The following ATP6V1H variants were observed in gnomAD, a reference collection of about 807,000 sequenced individuals.
ATP6V1H encodes the protein ATPase H+ transporting V1 subunit H, also known as V-type proton ATPase subunit H.
Under a neutral mutation model 71.7 loss-of-function variants are expected in ATP6V1H, and 39 were observed. The ratio of observed to expected loss-of-function variants is 0.54; its 90% confidence interval spans 0.42 to 0.71. ATP6V1H has a LOEUF of 0.71. ATP6V1H is among the 30% of genes least tolerant of loss of function. The probability of loss-of-function intolerance (pLI) is 0.00; values close to 1 mark genes in which losing one functional copy is unlikely to be tolerated. For synonymous variants in ATP6V1H, 192 were observed against 199.3 expected (o/e 0.96, Z 0.31); for missense variants, 509 against 594.9 (o/e 0.86, Z 1.50).
chr8:53,716,839 A>G (rs976419261), intron 13 of ATP6V1H, among the ~76,000 whole-genome samples: 1 of 152,244 alleles, frequency 6.6e-6, no homozygotes, highest in Non-Finnish European at 1.5e-5. Context: ...CCTTTGAGGC[A>G]CTTGCCGAAA....
At chr8:53,806,526 G>A (rs1563475408) in intron 7 of ATP6V1H, among the ~76,000 whole-genome samples, 1 of 151,714 alleles carries the variant, frequency 6.6e-6, no homozygotes, top group Non-Finnish European at 1.5e-5. Flanking sequence ...GCTTAATCCA[G>A]TAATTCAATT....
intron 4 of ATP6V1H, among the ~76,000 whole-genome samples, chr8:53,820,736 C>CT (rs1391676555): frequency 6.7e-6 from 1 of 149,904 alleles, no homozygotes. Context: ...AATCCCACAA[C>CT]TTTGGGAGGC....
chr8:53,717,475 A>G (rs755254286), intron 13 of ATP6V1H, among the ~76,000 whole-genome samples: 29 of 152,352 alleles, frequency 1.9e-4, no homozygotes, highest in Non-Finnish European at 3.8e-4. Flanking sequence ...GAAAGTTCTT[A>G]TAACTGACTC....
chr8:53,786,122 C>A (rs1173694261), intron 9 of ATP6V1H, among the ~76,000 whole-genome samples: 4 of 152,214 alleles, frequency 2.6e-5, no homozygotes, highest in Non-Finnish European at 5.9e-5. Context: ...TTTGTCTGTG[C>A]CATGCCCCCA....
intron 11 of ATP6V1H, among the ~76,000 whole-genome samples, chr8:53,766,560 C>T (rs944933445): frequency 3.9e-5 from 6 of 152,168 alleles, no homozygotes; most frequent in Admixed American, 1.3e-4. Context: ...AGAACAGAGC[C>T]GTATTTCTCC....
intron 12 of ATP6V1H, among the ~76,000 whole-genome samples, chr8:53,745,612 T>C (rs928493593): frequency 6.6e-6 from 1 of 151,640 alleles, no homozygotes; most frequent in African/African-American, 2.4e-5. Flanking sequence ...GTTTTCTCCA[T>C]AGGCACGTAA....
At chr8:53,828,414 G>A (rs141236944) in intron 4 of ATP6V1H, among the ~76,000 whole-genome samples, 1 of 152,166 alleles carries the variant, frequency 6.6e-6, no homozygotes, top group Non-Finnish European at 1.5e-5. Flanking sequence ...ATAGATATGA[G>A]CATATGGACA....
intron 9 of ATP6V1H, among the ~76,000 whole-genome samples, chr8:53,774,458 A>T (rs1363203261): frequency 6.6e-6 from 1 of 152,202 alleles, no homozygotes; most frequent in Non-Finnish European, 1.5e-5. Flanking sequence ...TGATATTTTC[A>T]TCAGGTTACT....
intron 9 of ATP6V1H, 130 bp downstream of exon 9, chr8:53,795,517 T>C (rs1023836160): frequency 1.7e-5 from 14 of 806,242 alleles, no homozygotes; most frequent in South Asian, 3.5e-5. Flanking sequence ...TTTTACTCTA[T>C]ATTCACCAAG....
chr8:53,816,245 A>G (rs1299661166), intron 5 of ATP6V1H, among the ~76,000 whole-genome samples: 4 of 152,152 alleles, frequency 2.6e-5, no homozygotes, highest in South Asian at 4.1e-4. Context: ...GGAGGGAGGG[A>G]GCAAGATAAC....
In ATP6V1H at chr8:53,809,196, C is replaced by T. The variant is rs149966667; in HGVS notation, c.579+1968G>A. Among the ~76,000 whole-genome samples the T allele has an allele frequency of 2.2e-3, 340 of 152,194 alleles. 2 individuals carry two copies. The highest frequency in any genetic ancestry group is 7.9e-3 in the African/African-American group (329 of 41,532). ...GGTCTCACTACTCATCCATAAAATG[C>T]GGCTAATGATATGACCTACATTGAA... On this transcript the variant is annotated intron_variant, in intron 7 of 13. Transcript: ENST00000359530.
intron 9 of ATP6V1H, among the ~76,000 whole-genome samples, chr8:53,780,514 A>G (rs895394939): frequency 9.2e-5 from 14 of 152,068 alleles, no homozygotes; most frequent in Non-Finnish European, 1.9e-4. Context: ...ATTTTTTGAA[A>G]TATGTTATAT....
chr8:53,743,522 G>C, intron 13 of ATP6V1H, 55 bp downstream of exon 13: 2 of 1,258,586 alleles, frequency 1.6e-6, no homozygotes, highest in African/African-American at 1.5e-5. Flanking sequence ...TTTTAGAATG[G>C]CAAGTGAGAG....
chr8:53,754,989 G>C (rs1807950471), intron 12 of ATP6V1H, among the ~76,000 whole-genome samples: 1 of 152,230 alleles, frequency 6.6e-6, no homozygotes, highest in Admixed American at 6.5e-5. Context: ...TGCTTAGGGG[G>C]TGCAGGGGCT....
Position 53,801,800 on chromosome 8 carries a change from A to G in ATP6V1H, c.676T>C (p.Cys226Arg). The change falls in exon 8 of 14, where the codon TGC (cysteine) becomes CGC (arginine). Residue 226 changes from cysteine (C) to arginine (R), a missense_variant and splice_region_variant. Around this residue, in one of 2 missense-constraint regions of ATP6V1H, gnomAD observed 297 missense variants for 303.3 expected, o/e 0.98. Coordinates refer to ENST00000359530, the MANE Select transcript of ATP6V1H (RefSeq NM_015941.4). ...ACATTAAAAGGAAAGGGCACTCACC[A>G]ATTTACCCCATCTGCTTCCACCCAA... ...FAWVEADGVN[C>R]IMGVLSNKCG... 6.2e-7 allele frequency: 1 copy of G among 1,613,216 alleles called. No individual in the cohort carries two copies. The highest frequency in any genetic ancestry group is 8.5e-7 in the Non-Finnish European group (1 of 1,179,488).
intron 7 of ATP6V1H, among the ~76,000 whole-genome samples, chr8:53,804,704 A>C (rs1810022290): frequency 6.6e-6 from 1 of 152,188 alleles, no homozygotes; most frequent in Non-Finnish European, 1.5e-5. Flanking sequence ...TTAATCTTAG[A>C]TTGGCAGTAG....
intron 11 of ATP6V1H, among the ~76,000 whole-genome samples, chr8:53,759,178 T>C (rs1410149474): frequency 6.6e-6 from 1 of 152,238 alleles, no homozygotes; most frequent in African/African-American, 2.4e-5. Flanking sequence ...CTGGAAGGAA[T>C]CACAGGCTTT....
At chr8:53,802,245 G>C (rs1809933707) in intron 7 of ATP6V1H, among the ~76,000 whole-genome samples, 1 of 152,090 alleles carries the variant, frequency 6.6e-6, no homozygotes, top group Non-Finnish European at 1.5e-5. Flanking sequence ...AGAGAATACT[G>C]TTCCACATAA....
At chr8:53,770,231 T>C (rs1740279639) in intron 10 of ATP6V1H, among the ~76,000 whole-genome samples, 1 of 152,168 alleles carries the variant, frequency 6.6e-6, no homozygotes, top group African/African-American at 2.4e-5. Flanking sequence ...GCACAATATT[T>C]TACAATGTGA....
Sources: allele counts gnomAD v4.1 joint callset (sites outside exome capture counted in the v4.1 genomes callset), GRCh38; gene constraint gnomAD v4.1.1; regional missense constraint gnomAD v4.1.1; transcripts MANE v1.5; gene names NCBI Gene and HGNC (gene_info 2026-07-23, HGNC 2026-07-21).